FANCL: variants seen among roughly 807,000 people sequenced by gnomAD.
The protein encoded by FANCL is E3 ubiquitin-protein ligase FANCL.
In FANCL, 69 loss-of-function variants were observed where a neutral mutation model predicts 59.4. The ratio of observed to expected loss-of-function variants is 1.16; its 90% CI spans 0.96 to 1.42. The LOEUF is 1.42. Among genes scored for constraint, FANCL ranks in the 40% most tolerant of loss-of-function variants. The pLI, the probability that FANCL is intolerant of heterozygous loss-of-function variation, is 0.00. For synonymous variants in FANCL, 180 were observed against 147.1 expected (o/e 1.22, Z -1.62); for missense variants, 519 against 447.2 (o/e 1.16, Z -1.45).
At chr2:58,177,296 A>C (rs1343472670) in intron 7 of FANCL, among the ~76,000 whole-genome samples, 3 of 152,196 alleles carry the variant, frequency 2.0e-5, no homozygotes, top group Non-Finnish European at 4.4e-5. Flanking sequence ...TACCCAAAGG[A>C]CTATAAATCA....
intron 1 of FANCL, among the ~76,000 whole-genome samples, chr2:58,240,960 G>A (rs1694476246): frequency 6.6e-6 from 1 of 152,222 alleles, no homozygotes; most frequent in Non-Finnish European, 1.5e-5. Context: ...ACTCGGGGAA[G>A]GGCTAGGGAG....
At chr2:58,185,985 T>G (rs1179515338) in intron 7 of FANCL, among the ~76,000 whole-genome samples, 1 of 152,194 alleles carries the variant, frequency 6.6e-6, no homozygotes, top group Non-Finnish European at 1.5e-5. Flanking sequence ...TAGGTACAAG[T>G]GCAGCTAAGA....
intron 6 of FANCL, among the ~76,000 whole-genome samples, chr2:58,199,168 C>CA (rs1388044559): frequency 8.5e-5 from 13 of 152,068 alleles, no homozygotes; most frequent in African/African-American, 1.2e-4. Context: ...TATGGAGGTG[C>CA]AAGTTTGGTG....
intron 7 of FANCL, among the ~76,000 whole-genome samples, chr2:58,171,614 A>T (rs1686623391): frequency 6.6e-6 from 1 of 152,090 alleles, no homozygotes; most frequent in African/African-American, 2.4e-5. Flanking sequence ...GTAACAAAAT[A>T]GGGGATTGGA....
At chr2:58,201,770 G>A (rs1316763646) in intron 6 of FANCL, among the ~76,000 whole-genome samples, 2 of 151,878 alleles carry the variant, frequency 1.3e-5, no homozygotes, top group Non-Finnish European at 2.9e-5. Context: ...TTTAATAAAG[G>A]ACATCTAGTC....
At chr2:58,221,696 C>T (rs186229660) in intron 5 of FANCL, among the ~76,000 whole-genome samples, 11 of 152,178 alleles carry the variant, frequency 7.2e-5, no homozygotes, top group Admixed American at 3.9e-4. Flanking sequence ...GTATCTATTA[C>T]GGTAACATCT....
intron 7 of FANCL, among the ~76,000 whole-genome samples, chr2:58,177,847 C>T (rs529473525): frequency 4.3e-4 from 63 of 144,902 alleles, no homozygotes; most frequent in African/African-American, 1.5e-3. Flanking sequence ...GCTAGCCAGA[C>T]TAATAAAGAA....
intron 7 of FANCL, among the ~76,000 whole-genome samples, chr2:58,192,859 C>A (rs891380642): frequency 7.3e-5 from 11 of 151,676 alleles, no homozygotes; most frequent in Non-Finnish European, 1.6e-4. Context: ...AAAAAGAAAA[C>A]AAAAACAACA....
chr2:58,227,190 A>C (rs754739168), intron 3 of FANCL, among the ~76,000 whole-genome samples: 3 of 152,194 alleles, frequency 2.0e-5, no homozygotes, highest in Admixed American at 6.5e-5. Flanking sequence ...CCAACCCCAC[A>C]GCAGTGTCTA....
At chr2:58,186,602 A>C (rs373384384) in intron 7 of FANCL, among the ~76,000 whole-genome samples, 1 of 152,228 alleles carries the variant, frequency 6.6e-6, no homozygotes, top group South Asian at 2.1e-4. Context: ...CCAGAATGCA[A>C]GAGCATTTTT....
intron 2 of FANCL, among the ~76,000 whole-genome samples, chr2:58,231,098 C>G (rs1318705739): frequency 6.6e-6 from 1 of 152,126 alleles, no homozygotes; most frequent in East Asian, 1.9e-4. Flanking sequence ...ACTCTGCTGC[C>G]CAAGTTTTCC....
At chr2:58,164,795 T>C (rs550456964) in intron 8 of FANCL, among the ~76,000 whole-genome samples, 3 of 152,110 alleles carry the variant, frequency 2.0e-5, no homozygotes, top group Non-Finnish European at 4.4e-5. Flanking sequence ...ATTTGGTTAA[T>C]TGTTCCAAAT....
intron 7 of FANCL, among the ~76,000 whole-genome samples, chr2:58,192,305 T>A (rs144788015): frequency 6.6e-6 from 1 of 152,070 alleles, no homozygotes; most frequent in Non-Finnish European, 1.5e-5. Context: ...TATAATATCT[T>A]CTTTAATCTG....
At chr2:58,203,837 T>C (rs1015647673) in intron 6 of FANCL, among the ~76,000 whole-genome samples, 11 of 152,178 alleles carry the variant, frequency 7.2e-5, no homozygotes, top group South Asian at 2.1e-4. Context: ...ACATGTTACA[T>C]GTAGGATGTT....
chr2:58,173,253 C>A (rs956321638), intron 7 of FANCL, among the ~76,000 whole-genome samples: 2 of 152,182 alleles, frequency 1.3e-5, no homozygotes, highest in African/African-American at 4.8e-5. Context: ...TCTAGCAAGG[C>A]AGGCCAACAT....
At chr2:58,160,859 A>T (rs1267261531) in intron 12 of FANCL, among the ~76,000 whole-genome samples, 1 of 152,012 alleles carries the variant, frequency 6.6e-6, no homozygotes, top group Non-Finnish European at 1.5e-5. Context: ...TAAAGATGTG[A>T]TATTAAGGAA....
intron 1 of FANCL, among the ~76,000 whole-genome samples, chr2:58,234,127 T>C (rs781078040): frequency 2.0e-5 from 3 of 151,970 alleles, no homozygotes; most frequent in African/African-American, 4.8e-5. Context: ...AATGCAAAGC[T>C]ACTATGAGAC....
chr2:58,163,588 G>T, intron 8 of FANCL, 71 bp from the exon 9 acceptor site: 1 of 966,546 alleles, frequency 1.0e-6, no homozygotes, highest in Non-Finnish European at 1.7e-6. Context: ...AAAATAAAGA[G>T]GTGTTGGTCT....
intron 11 of FANCL, among the ~76,000 whole-genome samples, chr2:58,162,245 T>C (rs1573509350): frequency 2.0e-5 from 3 of 151,970 alleles, no homozygotes; most frequent in Middle Eastern, 3.2e-3. Context: ...TTTTGCAGTA[T>C]AGTGGTATCT....
Sources: gnomAD v4.1 joint callset for allele counts (sites outside exome capture counted in the v4.1 genomes callset) on GRCh38, gnomAD v4.1.1 for gene constraint, MANE v1.5 for transcripts, NCBI Gene and HGNC (gene_info 2026-07-23, HGNC 2026-07-21) for gene names.